The following PCYOX1 variants were observed in gnomAD, a reference collection of about 807,000 sequenced individuals.
The protein encoded by PCYOX1 is prenylcysteine lyase.
A neutral mutation model predicts 46.4 loss-of-function variants in PCYOX1; 46 were observed. That is an observed-to-expected ratio of 0.99 (90% confidence interval 0.78 to 1.27). The LOEUF (loss-of-function observed/expected upper bound fraction) is 1.27. Among genes scored for constraint, PCYOX1 ranks in the 50% most tolerant of loss-of-function variants. PCYOX1 has a pLI of 0.00. For synonymous variants in PCYOX1, 220 were observed against 231.8 expected, an observed-to-expected ratio of 0.95 and a Z score of 0.46; for missense variants, 658 against 628.3, an observed-to-expected ratio of 1.05 and a Z score of -0.51.
At chr2:70,265,847 C>T (rs1696514978) in intron 3 of PCYOX1, among the ~76,000 whole-genome samples, 1 of 152,150 alleles carries the variant, frequency 6.6e-6, no homozygotes, top group Non-Finnish European at 1.5e-5. Flanking sequence ...GCTTTATAAA[C>T]ACCCTTTCTT....
chr2:70,272,067 A>G (rs942822195), intron 3 of PCYOX1, among the ~76,000 whole-genome samples: 1 of 151,932 alleles, frequency 6.6e-6, no homozygotes, highest in Non-Finnish European at 1.5e-5. Flanking sequence ...GGTTTTTCCA[A>G]CCTCCTGTGG....
intron 1 of PCYOX1, 166 bp downstream of exon 1, chr2:70,258,442 A>G (rs1334339892): frequency 4.7e-6 from 2 of 428,544 alleles, no homozygotes; most frequent in Non-Finnish European, 8.4e-6. Flanking sequence ...GGCGGCTTTC[A>G]GCTCTGGTCG....
At position 70,258,874 on chromosome 2, in the gene PCYOX1, C is replaced by G. The variant is rs143394041; in HGVS notation, c.113-486C>G. ...TGTTCTCTTTCCACTGTCAAGAGCT[C>G]CAGTGTCAGGAGCCTTGGCTCTTTG... On this transcript the variant is annotated intron_variant, in intron 1 of 5. Coordinates refer to ENST00000433351, the MANE Select transcript of PCYOX1 (RefSeq NM_016297.4). Among the ~76,000 whole-genome samples the G allele has an allele frequency of 1.6e-4, 24 of 152,358 alleles. No homozygotes were observed. The East Asian group carries it at 4.2e-3, about 27-fold the overall frequency.
chr2:70,270,539 G>C (rs1236434264), intron 3 of PCYOX1, among the ~76,000 whole-genome samples: 3 of 152,152 alleles, frequency 2.0e-5, no homozygotes, highest in Non-Finnish European at 4.4e-5. Flanking sequence ...ATTGTTTCTT[G>C]AATGTGCCAG....
chr2:70,277,724 C>T lies in PCYOX1; in HGVS notation c.*332C>T, dbSNP rs1479847362. The T allele has an allele frequency of 2.1e-5, 4 of 193,520 alleles. No individual in the cohort carries two copies. Among genetic ancestry groups the T allele is most frequent in the Non-Finnish European group, 4.2e-5 (4 of 95,592 alleles). 12.0% of individuals were successfully genotyped at this position (193,520 alleles called of 1,614,324 possible). A position where few individuals can be genotyped will look rare whatever the true frequency, so the allele number is the denominator to read the frequency against. ...CCATTGCACTTCAGCCTGAGCAACA[C>T]GAGCAAAACTCCGTCTCAAAAGTAA... On this transcript the variant is annotated 3_prime_UTR_variant, in exon 6 of 6. Transcript: ENST00000433351.
At chr2:70,270,963 G>A (rs1044474385) in intron 3 of PCYOX1, among the ~76,000 whole-genome samples, 1 of 152,160 alleles carries the variant, frequency 6.6e-6, no homozygotes, top group Non-Finnish European at 1.5e-5. Flanking sequence ...CTGACCTCAG[G>A]TGATCCACCT....
chr2:70,259,310 CAG>C lies in PCYOX1; in HGVS notation c.113-47_113-46del, dbSNP rs781246183. 5 of 1,517,654 alleles carry C rather than the reference CAG, an allele frequency of 3.3e-6. No individual in the cohort carries two copies. In the African/African-American group the frequency reaches 5.5e-5, roughly 17 times the overall value. The allele number at this position is 1,517,654 out of a possible 1,614,324, so 94.0% of individuals were successfully genotyped here. A position where few individuals can be genotyped will look rare whatever the true frequency, so the allele number is the denominator to read the frequency against. Reference sequence around the variant, plus strand: ...GGTCTTTCAAAAACAAAACAACTCACAGAGCTGGTAAAAGGGGAAAATATAAT... The same window carrying C: ...GGTCTTTCAAAAACAAAACAACTCACAGCTGGTAAAAGGGGAAAATATAAT... On this transcript the variant is annotated intron_variant, in intron 1 of 5. Transcript: ENST00000433351.
chr2:70,262,549 G>A (rs931181239), intron 3 of PCYOX1, among the ~76,000 whole-genome samples: 5 of 146,088 alleles, frequency 3.4e-5, no homozygotes, highest in Non-Finnish European at 6.0e-5. Context: ...GCACCATCTC[G>A]GCTCACTGCA....
rs543191185 is a variant in PCYOX1, at chr2:70,277,253, T to C, written c.1379T>C (p.Ile460Thr). Residue 460 changes from isoleucine (I) to threonine (T), a missense_variant, in exon 6 of 6, where the codon ATA (isoleucine) becomes ACA (threonine). Coordinates refer to ENST00000433351, the MANE Select transcript of PCYOX1 (RefSeq NM_016297.4). Reference protein sequence around the residue: ...LHDRLYYLNGIECAASAMEMS... With the variant: ...LHDRLYYLNGTECAASAMEMS... ...GATCGACTTTATTACCTCAATGGCATAGAGTGTGCAGCAAGTGCCATGGAG... is the reference window on the plus strand; with the variant it reads ...GATCGACTTTATTACCTCAATGGCACAGAGTGTGCAGCAAGTGCCATGGAG... 3.7e-6 allele frequency: 6 copies of C among 1,614,162 alleles called. No individual in the cohort carries two copies. Among genetic ancestry groups the C allele is most frequent in the South Asian group, 1.1e-5 (1 of 91,088 alleles).
chr2:70,261,390 A>AT lies in PCYOX1; in HGVS notation c.494+12dup, dbSNP rs761454824. 32 of 1,587,872 alleles carry AT rather than the reference A, an allele frequency of 2.0e-5. No homozygotes were observed. Among genetic ancestry groups the AT allele is most frequent in the South Asian group, 3.4e-5 (3 of 88,204 alleles). On this transcript the variant is annotated splice_donor_region_variant and intron_variant, in intron 3 of 5. Coordinates refer to ENST00000433351, the MANE Select transcript of PCYOX1 (RefSeq NM_016297.4). Reference sequence around the variant, plus strand: ...ACGTGTTAGACAAGTTCATGAGGTAATTTTTTTTCCTTCCATTTAACCTAA... The same window carrying AT: ...ACGTGTTAGACAAGTTCATGAGGTAATTTTTTTTTCCTTCCATTTAACCTAA...
At chr2:70,264,958 A>G (rs1696491494) in intron 3 of PCYOX1, among the ~76,000 whole-genome samples, 1 of 151,974 alleles carries the variant, frequency 6.6e-6, no homozygotes, top group Non-Finnish European at 1.5e-5. Context: ...GTGGTGAGCC[A>G]AGATCAAAGT....
At position 70,277,111 on chromosome 2, in the gene PCYOX1, C is replaced by G. The variant is rs565888631; in HGVS notation, c.1237C>G (p.Leu413Val). 1 of 1,614,042 alleles carries G rather than the reference C, an allele frequency of 6.2e-7. No homozygotes were observed. Among genetic ancestry groups the G allele is most frequent in the Non-Finnish European group, 8.5e-7 (1 of 1,180,020 alleles). The change falls in exon 6 of 6, where the codon CTT becomes GTT. Residue 413 changes from leucine to valine, a missense_variant. Transcript: ENST00000433351. Reference protein sequence around the residue: ...YVWKIFSQETLTKAQILKLFL... With the variant: ...YVWKIFSQETVTKAQILKLFL... ...TTGGAAGATCTTTTCCCAAGAAACTCTTACTAAAGCACAAATTTTAAAGCT... is the reference window on the plus strand; with the variant it reads ...TTGGAAGATCTTTTCCCAAGAAACTGTTACTAAAGCACAAATTTTAAAGCT...
At chr2:70,275,319 G>C in intron 4 of PCYOX1, 149 bp downstream of exon 4, 1 of 843,496 alleles carries the variant, frequency 1.2e-6, no homozygotes, top group Non-Finnish European at 1.9e-6. Context: ...GTATGTAGAT[G>C]TGCATTTTTA....
intron 3 of PCYOX1, among the ~76,000 whole-genome samples, chr2:70,264,974 C>A (rs914606117): frequency 1.3e-5 from 2 of 151,858 alleles, no homozygotes; most frequent in Non-Finnish European, 2.9e-5. Context: ...AAAGTATACA[C>A]AAGGTGGAGA....
chr2:70,266,927 A>G lies in PCYOX1; in HGVS notation c.494+5541A>G, dbSNP rs575908025. Reference sequence around the variant, plus strand: ...CTTTCCCCACATTTCCCCCACTTCTATTCGACAAAACTGCCATCGTCATCA... The same window carrying G: ...CTTTCCCCACATTTCCCCCACTTCTGTTCGACAAAACTGCCATCGTCATCA... On this transcript the variant is annotated intron_variant, in intron 3 of 5. Coordinates refer to ENST00000433351, the MANE Select transcript of PCYOX1 (RefSeq NM_016297.4). 9.8e-5 allele frequency among the ~76,000 whole-genome samples: 15 copies of G among 152,292 alleles called. No individual in the cohort carries two copies. The South Asian group carries it at 2.7e-3, about 27-fold the overall frequency.
Position 70,263,936 on chromosome 2 carries a change from G to A in PCYOX1, c.494+2550G>A, listed in dbSNP as rs181602794. On this transcript the variant is annotated intron_variant, in intron 3 of 5. Coordinates refer to ENST00000433351, the MANE Select transcript of PCYOX1 (RefSeq NM_016297.4). The stretch of plus-strand genomic sequence containing the variant: ...GGCTTCCCAAAGTGTTGGGATTATA[G>A]GCGTGAGCCACTGTGCCCGGCCCTC... Among the ~76,000 whole-genome samples, 928 of 150,704 alleles carry A rather than the reference G, an allele frequency of 6.2e-3. 10 individuals carry two copies. The highest frequency in any genetic ancestry group is 0.022 in the African/African-American group (885 of 40,972).
intron 2 of PCYOX1, among the ~76,000 whole-genome samples, 180 bp from the exon 3 acceptor site, chr2:70,261,032 G>A (rs568228452): frequency 3.9e-5 from 6 of 152,214 alleles, no homozygotes; most frequent in East Asian, 1.9e-4. Context: ...CTGACCCATC[G>A]CCTAGCAAAT....
intron 3 of PCYOX1, among the ~76,000 whole-genome samples, chr2:70,268,838 A>G (rs923625495): frequency 6.6e-5 from 10 of 151,910 alleles, no homozygotes; most frequent in African/African-American, 2.4e-4. Flanking sequence ...CACAAAGACC[A>G]TGTGAGGACA....
chr2:70,262,955 T>C (rs2104890332), intron 3 of PCYOX1, among the ~76,000 whole-genome samples: 1 of 152,184 alleles, frequency 6.6e-6, no homozygotes, highest in Middle Eastern at 3.4e-3. Flanking sequence ...TAAGCAGGGC[T>C]GGGCACAGTG....
Sources: allele counts gnomAD v4.1 joint callset (sites outside exome capture counted in the v4.1 genomes callset), GRCh38; gene constraint gnomAD v4.1.1; transcripts MANE v1.5; gene names NCBI Gene and HGNC (gene_info 2026-07-23, HGNC 2026-07-21).